Variants in PPDPFL observed in about 807,000 individuals in gnomAD.
The protein encoded by PPDPFL is pancreatic progenitor cell differentiation and proliferation factor-like protein.
Under a neutral mutation model 12.6 loss-of-function variants are expected in PPDPFL, and 12 were observed. The ratio of observed to expected loss-of-function variants is 0.95; its 90% CI spans 0.61 to 1.54. The LOEUF is 1.54. Ranked by LOEUF, PPDPFL falls within the 40% of genes most tolerant of loss-of-function variation. The probability of loss-of-function intolerance (pLI) is 0.00; values close to 1 mark genes in which losing one functional copy is unlikely to be tolerated. For missense variants in PPDPFL, 114 were observed against 96.0 expected (o/e 1.19, Z -0.78); for synonymous variants, 24 against 32.7 (o/e 0.73, Z 0.91).
At chr8:49,056,791 T>C (rs1227666029) in intron 1 of PPDPFL, among the ~76,000 whole-genome samples, 8 of 152,234 alleles carry the variant, frequency 5.3e-5, no homozygotes, top group Non-Finnish European at 1.2e-4. Context: ...CATTTTGTGA[T>C]AGATAGAAAT....
At position 49,072,784 on chromosome 8, in the gene PPDPFL, C is replaced by T. The variant is rs1808415218; in HGVS notation, c.-44-3C>T. 6.8e-7 allele frequency: 1 copy of T among 1,471,850 alleles called. No individual in the cohort carries two copies. Among genetic ancestry groups the T allele is most frequent in the African/African-American group, 1.4e-5 (1 of 69,626 alleles). The allele number at this position is 1,471,850 out of a possible 1,614,324, so 91.2% of individuals were successfully genotyped here. ...ATGTCTCTTTTCTCTGTCGCTGTTT[C>T]AGATTAATGCTCACAGCTTCTTGGG... On this transcript the variant is annotated splice_polypyrimidine_tract_variant and splice_region_variant and intron_variant, in intron 1 of 4. Coordinates refer to ENST00000522267, the MANE Select transcript of PPDPFL (RefSeq NM_001256597.2).
rs562506423 is a variant in PPDPFL, at chr8:49,064,277, G to GAAGA, written c.-44-8509_-44-8506dup. Among the ~76,000 whole-genome samples the GAAGA allele has an allele frequency of 3.3e-5, 5 of 152,302 alleles. No homozygotes were observed. In the South Asian group the frequency reaches 1.0e-3, roughly 32 times the overall value. ...CCAGTGGTACAGAAAGTTCAAAGAT[G>GAAGA]AAGATATGGGTCGGTCCTCTGGGTA... On this transcript the variant is annotated intron_variant, in intron 1 of 4. Transcript: ENST00000517663.
intron 1 of PPDPFL, 60 bp downstream of exon 1, chr8:49,072,542 G>A (rs1475619668): frequency 4.3e-6 from 1 of 231,880 alleles, no homozygotes; most frequent in East Asian, 1.0e-4. Flanking sequence ...TGTTTTAGAT[G>A]GAGTAAGTTC....
At chr8:49,068,198 G>T (rs185977095), upstream of PPDPFL, among the ~76,000 whole-genome samples, 143 of 152,234 alleles carry the variant, frequency 9.4e-4, 2 homozygotes, top group Middle Eastern at 6.8e-3. Flanking sequence ...ATGAATAGAG[G>T]TACCTCCATC....
chr8:49,067,880 C>T (rs1808324691), upstream of PPDPFL, among the ~76,000 whole-genome samples: 1 of 152,152 alleles, frequency 6.6e-6, no homozygotes, highest in African/African-American at 2.4e-5. Context: ...TCACTCTCTT[C>T]TTGTCATTAT....
upstream of PPDPFL, among the ~76,000 whole-genome samples, chr8:49,069,561 T>C (rs1333042560): frequency 2.0e-5 from 3 of 152,144 alleles, no homozygotes; most frequent in Non-Finnish European, 4.4e-5. Context: ...AGTTCAACCA[T>C]TGTGGAAAAC....
At chr8:49,063,265 C>T (rs1808241906) in intron 1 of PPDPFL, among the ~76,000 whole-genome samples, 1 of 152,164 alleles carries the variant, frequency 6.6e-6, no homozygotes, top group Non-Finnish European at 1.5e-5. Context: ...TCATTTTGGT[C>T]ACTGCCCTGT....
chr8:49,064,399 A>T (rs1023015977), intron 1 of PPDPFL, among the ~76,000 whole-genome samples: 3 of 152,104 alleles, frequency 2.0e-5, no homozygotes, highest in Non-Finnish European at 4.4e-5. Flanking sequence ...CAGGAATTAA[A>T]CTTCATCCCA....
At chr8:49,074,542 A>G (rs1808456901) in intron 4 of PPDPFL, 5 of 1,536,856 alleles carry the variant, frequency 3.3e-6, no homozygotes, top group Non-Finnish European at 3.5e-6. Context: ...CACCCTTTCC[A>G]GTTCAATCAC....
chr8:49,062,029 C>T (rs1033830389), intron 1 of PPDPFL, among the ~76,000 whole-genome samples: 1 of 152,236 alleles, frequency 6.6e-6, no homozygotes, highest in Non-Finnish European at 1.5e-5. Flanking sequence ...GGATCTACAC[C>T]TATGTTCTAA....
At chr8:49,073,425 A>C (rs987201679) in intron 2 of PPDPFL, among the ~76,000 whole-genome samples, 1 of 152,210 alleles carries the variant, frequency 6.6e-6, no homozygotes, top group African/African-American at 2.4e-5. Context: ...TTCAGAACCA[A>C]ATTAGTAGTT....
intron 1 of PPDPFL, among the ~76,000 whole-genome samples, chr8:49,055,483 T>G (rs1350733305): frequency 3.3e-5 from 5 of 152,216 alleles, no homozygotes; most frequent in Non-Finnish European, 5.9e-5. Flanking sequence ...TCTCAGCCTT[T>G]TGTGTTCTTT....
At chr8:49,060,074 T>C (rs957631854) in intron 1 of PPDPFL, among the ~76,000 whole-genome samples, 4 of 152,320 alleles carry the variant, frequency 2.6e-5, no homozygotes, top group Non-Finnish European at 5.9e-5. Context: ...TAGTTGAACA[T>C]TATATCTTCA....
upstream of PPDPFL, among the ~76,000 whole-genome samples, chr8:49,071,617 C>T (rs1808391810): frequency 6.6e-6 from 1 of 151,814 alleles, no homozygotes; most frequent in Admixed American, 6.6e-5. Context: ...AATCGCGCCA[C>T]TGCACTCCAG....
At chr8:49,071,692 G>C (rs892788375), upstream of PPDPFL, among the ~76,000 whole-genome samples, 1 of 151,920 alleles carries the variant, frequency 6.6e-6, no homozygotes, top group African/African-American at 2.4e-5. Flanking sequence ...CAATCTATCC[G>C]AGAAATTTGT....
At chr8:49,055,270 A>G (rs1403448062) in intron 1 of PPDPFL, among the ~76,000 whole-genome samples, 1 of 152,118 alleles carries the variant, frequency 6.6e-6, no homozygotes, top group Non-Finnish European at 1.5e-5. Context: ...AGAGTCAACA[A>G]CAGTGGCTTC....
Position 49,074,969 on chromosome 8 carries a change from C to A in PPDPFL, c.234-183C>A, listed in dbSNP as rs189373741. On this transcript the variant is annotated intron_variant, in intron 4 of 4. Coordinates refer to ENST00000522267, the MANE Select transcript of PPDPFL (RefSeq NM_001256597.2). Reference sequence around the variant, plus strand: ...ATTCTGATGAATTTCCTATCTAAGACAAATTTAGAATCATTATTTAAAATT... The same window carrying A: ...ATTCTGATGAATTTCCTATCTAAGAAAAATTTAGAATCATTATTTAAAATT... 5.0e-4 allele frequency: 678 copies of A among 1,368,596 alleles called. 11 individuals are homozygous for A. The East Asian group carries it at 0.017, about 34-fold the overall frequency. The allele number at this position is 1,368,596 out of a possible 1,614,324, so 84.8% of individuals were successfully genotyped here. A position where few individuals can be genotyped will look rare whatever the true frequency, so the allele number is the denominator to read the frequency against.
upstream of PPDPFL, among the ~76,000 whole-genome samples, chr8:49,069,862 G>C (rs1302463895): frequency 6.6e-6 from 1 of 152,154 alleles, no homozygotes; most frequent in Non-Finnish European, 1.5e-5. Context: ...GTGAACCCGG[G>C]AGGTGGAACT....
chr8:49,071,877 A>C (rs1266164734), upstream of PPDPFL, among the ~76,000 whole-genome samples: 1 of 152,064 alleles, frequency 6.6e-6, no homozygotes, highest in Non-Finnish European at 1.5e-5. Context: ...TTTCAGGAAG[A>C]CTTCAATGTT....
Sources: gnomAD v4.1 joint callset for allele counts (sites outside exome capture counted in the v4.1 genomes callset) on GRCh38, gnomAD v4.1.1 for gene constraint, MANE v1.5 for transcripts, NCBI Gene and HGNC (gene_info 2026-07-23, HGNC 2026-07-21) for gene names.